The following PTH2R variants were observed in gnomAD, a reference collection of about 807,000 sequenced individuals.
PTH2R encodes the protein parathyroid hormone 2 receptor, also known as PTH2 receptor.
In PTH2R, 59 loss-of-function variants were observed where a neutral mutation model predicts 60.3. The observed-to-expected ratio is 0.98, with a 90% CI of 0.79 to 1.22. The LOEUF is 1.22. Ranked by LOEUF, PTH2R falls within the 50% of genes most tolerant of loss-of-function variation. The pLI, the probability that PTH2R is intolerant of heterozygous loss-of-function variation, is 0.00. For missense variants in PTH2R, 749 were observed against 682.6 expected (o/e 1.10, Z -1.08); for synonymous variants, 256 against 243.8 (o/e 1.05, Z -0.47).
intron 1 of PTH2R, among the ~76,000 whole-genome samples, chr2:208,427,914 T>G (rs1341441315): frequency 1.3e-5 from 2 of 151,516 alleles, no homozygotes; most frequent in African/African-American, 4.8e-5. Context: ...TAGTATAATA[T>G]CTCTTTTTTT....
chr2:208,407,920 AG>A (rs1701451551), intron 1 of PTH2R, among the ~76,000 whole-genome samples: 1 of 152,324 alleles, frequency 6.6e-6, no homozygotes, highest in East Asian at 1.9e-4. Flanking sequence ...CGTCAAATGA[AG>A]GCCCAATAAA....
chr2:208,367,744 T>A (rs1700620689), intron 1 of PTH2R, among the ~76,000 whole-genome samples: 1 of 152,204 alleles, frequency 6.6e-6, no homozygotes, highest in South Asian at 2.1e-4. Flanking sequence ...AATATTTTTC[T>A]AAGTTCTCAA....
intron 1 of PTH2R, among the ~76,000 whole-genome samples, chr2:208,384,241 A>G (rs10180707): frequency 0.91 from 137,724 of 152,172 alleles, 63,388 homozygotes; most frequent in Non-Finnish European, 0.98. Flanking sequence ...TTGGATTGGT[A>G]GAAAGAGACG....
intron 1 of PTH2R, among the ~76,000 whole-genome samples, chr2:208,376,384 C>T (rs962853240): frequency 6.6e-6 from 1 of 152,022 alleles, no homozygotes; most frequent in Non-Finnish European, 1.5e-5. Context: ...CCTACTGTTG[C>T]ACTTTTATGT....
intron 2 of PTH2R, among the ~76,000 whole-genome samples, chr2:208,436,582 C>T (rs1020857814): frequency 2.6e-5 from 4 of 152,198 alleles, no homozygotes; most frequent in South Asian, 2.1e-4. Context: ...CCCCACGGTT[C>T]GGGAAAGCTG....
At chr2:208,478,937 T>C (rs972164545) in intron 9 of PTH2R, among the ~76,000 whole-genome samples, 8 of 152,208 alleles carry the variant, frequency 5.3e-5, no homozygotes, top group Admixed American at 5.2e-4. Context: ...TTACCATAGT[T>C]AGTAGTCAAT....
At chr2:208,417,115 T>C (rs1046029259) in intron 1 of PTH2R, among the ~76,000 whole-genome samples, 4 of 152,240 alleles carry the variant, frequency 2.6e-5, no homozygotes, top group Admixed American at 1.3e-4. Flanking sequence ...TTGGTACTTT[T>C]GTTTTTCTTT....
chr2:208,374,964 C>T (rs1326878875), intron 1 of PTH2R, among the ~76,000 whole-genome samples: 1 of 152,022 alleles, frequency 6.6e-6, no homozygotes, highest in Non-Finnish European at 1.5e-5. Flanking sequence ...AGTGGTGGCA[C>T]TGGATGTAAA....
At chr2:208,488,834 G>A (rs1703331987) in intron 10 of PTH2R, among the ~76,000 whole-genome samples, 178 bp from the exon 11 acceptor site, 1 of 152,154 alleles carries the variant, frequency 6.6e-6, no homozygotes, top group African/African-American at 2.4e-5. Flanking sequence ...CTGTGATCAC[G>A]CCACTGTACG....
chr2:208,393,156 G>A (rs192346970), intron 1 of PTH2R, among the ~76,000 whole-genome samples: 88 of 152,198 alleles, frequency 5.8e-4, no homozygotes, highest in Non-Finnish European at 9.4e-4. Context: ...GATCCCTATT[G>A]TAAAAGACTA....
chr2:208,428,426 A>T, intron 2 of PTH2R, 123 bp downstream of exon 2: 1 of 671,984 alleles, frequency 1.5e-6, no homozygotes, highest in Admixed American at 2.4e-5. Context: ...TTCCATGTGG[A>T]GGGGTGTGCA....
At chr2:208,451,084 A>G (rs1218423957) in intron 8 of PTH2R, among the ~76,000 whole-genome samples, 4 of 152,114 alleles carry the variant, frequency 2.6e-5, no homozygotes, top group African/African-American at 7.2e-5. Context: ...AAGCAAGTGG[A>G]AAGAGATGGG....
chr2:208,430,546 C>CTTTT (rs760898660), intron 2 of PTH2R, among the ~76,000 whole-genome samples: 5 of 118,216 alleles, frequency 4.2e-5, no homozygotes, highest in Admixed American at 8.5e-5. Flanking sequence ...TGTCTGGCTT[C>CTTTT]TTTTTTTTTT....
rs1236695776 is a variant in PTH2R at position 208,406,898 on chromosome 2, C to A, written c.-146C>A. 2 of 550,856 alleles carry A rather than the reference C, an allele frequency of 3.6e-6. No homozygotes were observed. Among genetic ancestry groups the A allele is most frequent in the Admixed American group, 6.6e-5 (2 of 30,458 alleles). 34.1% of individuals were successfully genotyped at this position (550,856 alleles called of 1,614,324 possible). On this transcript the variant is annotated 5_prime_UTR_variant, in exon 1 of 13. Transcript: ENST00000272847. ...GCTCCGGCGACAAGACCCCAAGCAC[C>A]CTCGGCCGGTGGCCCGGGCCCGACC...
Position 208,493,626 on chromosome 2 carries a change from A to G in PTH2R, c.1620A>G (p.Glu540=). 1 of 1,565,828 alleles carries G rather than the reference A, an allele frequency of 6.4e-7. No homozygotes were observed. The highest frequency in any genetic ancestry group is 8.7e-7 in the Non-Finnish European group (1 of 1,152,350). Residue 540 remains glutamate, a synonymous_variant, in exon 13 of 13, where the codon GAA becomes GAG. Coordinates refer to ENST00000272847, the MANE Select transcript of PTH2R (RefSeq NM_005048.4). ...SRPMESNPDT[E]GCQGETEDVL ...CTATGGAATCTAACCCAGACACTGAAGGATGCCAAGGAGAAACTGAGGATG... is the reference window on the plus strand; with the variant it reads ...CTATGGAATCTAACCCAGACACTGAGGGATGCCAAGGAGAAACTGAGGATG...
chr2:208,468,533 C>T lies in PTH2R; in HGVS notation c.981+8572C>T, dbSNP rs114794201. The stretch of plus-strand genomic sequence containing the variant: ...TGCTTGTGCCTCTTTACATGCCACA[C>T]CCTGGCTATGTTGCTTTCCAGTCAG... On this transcript the variant is annotated intron_variant, in intron 9 of 12. Coordinates refer to ENST00000272847, the MANE Select transcript of PTH2R (RefSeq NM_005048.4). 5.1e-3 allele frequency among the ~76,000 whole-genome samples: 783 copies of T among 152,296 alleles called. 8 individuals carry two copies. Among genetic ancestry groups the T allele is most frequent in the African/African-American group, 0.018 (729 of 41,558 alleles).
chr2:208,369,366 C>CT (rs34110985), intron 1 of PTH2R, among the ~76,000 whole-genome samples: 11,349 of 135,002 alleles, frequency 0.084, 714 homozygotes, highest in Admixed American at 0.11. Flanking sequence ...ACTGGTCTCT[C>CT]TCTCTTTTTT....
At chr2:208,360,283 C>A (rs1257643888) in intron 1 of PTH2R, 2 of 408,058 alleles carry the variant, frequency 4.9e-6, no homozygotes, top group Non-Finnish European at 9.9e-6. Context: ...GCGTGAGCAG[C>A]CCCTACGGGG....
chr2:208,402,598 A>G (rs371441144), upstream of PTH2R, among the ~76,000 whole-genome samples: 5 of 152,312 alleles, frequency 3.3e-5, no homozygotes, highest in East Asian at 3.9e-4. Context: ...TTCCTAATCC[A>G]TCTCCAAATT....
Sources: gnomAD v4.1 joint callset for allele counts (sites outside exome capture counted in the v4.1 genomes callset) on GRCh38, gnomAD v4.1.1 for gene constraint, MANE v1.5 for transcripts, NCBI Gene and HGNC (gene_info 2026-07-23, HGNC 2026-07-21) for gene names.